The following NALF1 variants were observed in gnomAD, a reference collection of about 807,000 sequenced individuals.
The protein encoded by NALF1 is family with sequence similarity 155 member A.
Under a neutral mutation model 48.4 loss-of-function variants are expected in NALF1, and 3 were observed. That is an observed-to-expected ratio of 0.06 (90% CI 0.03 to 0.16). The LOEUF (loss-of-function observed/expected upper bound fraction) is 0.16, where lower values mean the gene tolerates loss of function less well. NALF1 is among the 10% of genes least tolerant of loss of function. The pLI is 1.00. For synonymous variants in NALF1, 262 were observed against 245.7 expected (o/e 1.07, Z -0.62); for missense variants, 526 against 571.5 (o/e 0.92, Z 0.81).
chr13:107,180,340 A>AAT (rs1204981986), intron 2 of NALF1, among the ~76,000 whole-genome samples: 2 of 152,024 alleles, frequency 1.3e-5, no homozygotes, highest in Non-Finnish European at 1.5e-5. Context: ...CTGAGGGATA[A>AAT]ATATTTTCGT....
chr13:107,607,622 C>A (rs193185059), intron 1 of NALF1, among the ~76,000 whole-genome samples: 1 of 152,176 alleles, frequency 6.6e-6, no homozygotes, highest in African/African-American at 2.4e-5. Context: ...GAAGCCCTCA[C>A]TCCTCCCTCC....
chr13:107,854,284 A>C (rs911569424), intron 1 of NALF1, among the ~76,000 whole-genome samples: 7 of 152,380 alleles, frequency 4.6e-5, no homozygotes, highest in African/African-American at 1.4e-4. Flanking sequence ...ACCTCCAGAA[A>C]GCAGGTCACT....
intron 1 of NALF1, among the ~76,000 whole-genome samples, chr13:107,521,699 G>A (rs966161186): frequency 1.3e-5 from 2 of 152,092 alleles, no homozygotes; most frequent in Non-Finnish European, 1.5e-5. Flanking sequence ...CTCATCAGCT[G>A]GTTAGTGGGT....
rs1203678796 is a variant in NALF1, at chr13:107,396,706, C to T, written c.916-185951G>A. 4.6e-5 allele frequency among the ~76,000 whole-genome samples: 7 copies of T among 152,254 alleles called. No individual in the cohort carries two copies. In the East Asian group the frequency reaches 1.2e-3, roughly 25 times the overall value. On this transcript the variant is annotated intron_variant, in intron 1 of 2. Transcript: ENST00000375915. ...CTGAAAGAACTGTAGGGCTGTAGTGCTATTCTCGTTGAGTTATAGCTTATC... is the reference window on the plus strand; with the variant it reads ...CTGAAAGAACTGTAGGGCTGTAGTGTTATTCTCGTTGAGTTATAGCTTATC...
rs185141227 is a variant in NALF1 at position 107,245,257 on chromosome 13, T to C, written c.916-34502A>G. 3.3e-5 allele frequency among the ~76,000 whole-genome samples: 5 copies of C among 152,352 alleles called. No individual in the cohort carries two copies. The East Asian group carries it at 9.6e-4, about 29-fold the overall frequency. The stretch of plus-strand genomic sequence containing the variant: ...TACTTCTATATAATGAAAAGCATGG[T>C]TTTCACGTGGATCACTGGAAAGTCA... On this transcript the variant is annotated intron_variant, in intron 1 of 2. Transcript: ENST00000375915.
intron 1 of NALF1, among the ~76,000 whole-genome samples, chr13:107,833,742 T>C (rs1332078885): frequency 6.6e-6 from 1 of 152,210 alleles, no homozygotes; most frequent in Admixed American, 6.5e-5. Context: ...TGACCACCTG[T>C]TACCTAAGGC....
At chr13:107,348,334 G>T (rs541928623) in intron 1 of NALF1, among the ~76,000 whole-genome samples, 1 of 152,026 alleles carries the variant, frequency 6.6e-6, no homozygotes, top group African/African-American at 2.4e-5. Context: ...AAAGTGTTAC[G>T]TTCACTCGGA....
At chr13:107,483,806 AAATT>A (rs1410677077) in intron 1 of NALF1, among the ~76,000 whole-genome samples, 1 of 151,936 alleles carries the variant, frequency 6.6e-6, no homozygotes, top group Non-Finnish European at 1.5e-5. Flanking sequence ...CATTAAATAT[AAATT>A]AATATAACAT....
intron 1 of NALF1, among the ~76,000 whole-genome samples, chr13:107,764,988 A>C (rs1359780654): frequency 6.6e-6 from 1 of 152,130 alleles, no homozygotes; most frequent in Non-Finnish European, 1.5e-5. Flanking sequence ...CCTGCTTTTC[A>C]AGTCACTGCA....
intron 1 of NALF1, among the ~76,000 whole-genome samples, chr13:107,466,924 G>GA (rs1453143776): frequency 2.0e-5 from 3 of 152,242 alleles, no homozygotes; most frequent in Non-Finnish European, 4.4e-5. Context: ...TATGGGTGTG[G>GA]AAAACGGCTT....
intron 1 of NALF1, chr13:107,788,488 C>T (rs191304027): frequency 2.8e-4 from 42 of 152,344 alleles, no homozygotes; most frequent in African/African-American, 1.0e-3. Context: ...GCAATATCTT[C>T]TTCCTCTCTC....
chr13:107,370,245 T>G (rs1157582717), intron 1 of NALF1, among the ~76,000 whole-genome samples: 2 of 152,202 alleles, frequency 1.3e-5, no homozygotes, highest in African/African-American at 4.8e-5. Flanking sequence ...TCCTATCCGG[T>G]GAACAGCACA....
chr13:107,701,447 C>G (rs762060979), intron 1 of NALF1, among the ~76,000 whole-genome samples: 11 of 151,954 alleles, frequency 7.2e-5, no homozygotes, highest in Non-Finnish European at 1.2e-4. Context: ...AATTTGGTAT[C>G]ATTAAAAGAA....
intron 1 of NALF1, among the ~76,000 whole-genome samples, chr13:107,588,979 T>C (rs1319968672): frequency 2.0e-5 from 3 of 152,096 alleles, no homozygotes; most frequent in Non-Finnish European, 4.4e-5. Flanking sequence ...AATAATTTAA[T>C]TGCAATCCAT....
intron 1 of NALF1, among the ~76,000 whole-genome samples, chr13:107,251,284 T>C (rs182375575): frequency 3.3e-5 from 5 of 152,306 alleles, no homozygotes; most frequent in Admixed American, 2.0e-4. Flanking sequence ...CATTATTAGA[T>C]GGAGTGAATT....
At chr13:107,668,944 TAA>T (rs993694925) in intron 1 of NALF1, among the ~76,000 whole-genome samples, 1 of 151,756 alleles carries the variant, frequency 6.6e-6, no homozygotes, top group African/African-American at 2.4e-5. Context: ...CAACACATCT[TAA>T]AAAAAAGATA....
intron 1 of NALF1, among the ~76,000 whole-genome samples, chr13:107,695,190 G>A (rs1291063723): frequency 6.6e-6 from 1 of 152,060 alleles, no homozygotes; most frequent in Non-Finnish European, 1.5e-5. Context: ...ATATGATATA[G>A]AACCTATAAC....
At chr13:107,536,759 G>A (rs901889309) in intron 1 of NALF1, among the ~76,000 whole-genome samples, 9 of 152,104 alleles carry the variant, frequency 5.9e-5, no homozygotes, top group African/African-American at 2.2e-4. Context: ...AAATCATGCA[G>A]CTATAAAGGC....
At chr13:107,688,360 G>A (rs1397717692) in intron 1 of NALF1, among the ~76,000 whole-genome samples, 2 of 152,042 alleles carry the variant, frequency 1.3e-5, no homozygotes, top group Admixed American at 6.6e-5. Context: ...CCTTTTACAC[G>A]GACATATGGT....
Sources: allele counts gnomAD v4.1 joint callset (sites outside exome capture counted in the v4.1 genomes callset), GRCh38; gene constraint gnomAD v4.1.1; transcripts MANE v1.5; gene names NCBI Gene and HGNC (gene_info 2026-07-23, HGNC 2026-07-21).